The following PDE4D variants were observed in gnomAD, a reference collection of about 807,000 sequenced individuals.
The protein encoded by PDE4D is 3',5'-cyclic-AMP phosphodiesterase 4D.
In PDE4D, 24 loss-of-function variants were observed where a neutral mutation model predicts 87.4. The ratio of observed to expected loss-of-function variants is 0.27; its 90% CI spans 0.20 to 0.39. PDE4D has a LOEUF of 0.39. Among genes scored for constraint, PDE4D ranks in the 10% least tolerant of loss-of-function variants. The probability of loss-of-function intolerance (pLI) is 1.00; values close to 1 mark genes in which losing one functional copy is unlikely to be tolerated. For synonymous variants in PDE4D, 384 were observed against 383.2 expected (o/e 1.00, Z -0.02); for missense variants, 714 against 1,041.0 (o/e 0.69, Z 4.32).
chr5:59,483,483 G>A (rs1219141277), intron 1 of PDE4D, among the ~76,000 whole-genome samples: 2 of 152,106 alleles, frequency 1.3e-5, no homozygotes, highest in Non-Finnish European at 2.9e-5. Flanking sequence ...CCAGGGCAAG[G>A]AGACTGAAAC....
chr5:60,464,266 A>G (rs1718490774), intron 1 of PDE4D, among the ~76,000 whole-genome samples: 1 of 152,210 alleles, frequency 6.6e-6, no homozygotes, highest in African/African-American at 2.4e-5. Flanking sequence ...CAATCAATCA[A>G]CTTGAATTTC....
chr5:59,026,637 T>C (rs1047182423), intron 6 of PDE4D, among the ~76,000 whole-genome samples: 3 of 151,964 alleles, frequency 2.0e-5, no homozygotes, highest in Non-Finnish European at 4.4e-5. Flanking sequence ...AAATAAAAGT[T>C]CTGTGGAAAG....
At chr5:60,026,774 C>T (rs1448925878) in intron 2 of PDE4D, among the ~76,000 whole-genome samples, 1 of 152,138 alleles carries the variant, frequency 6.6e-6, no homozygotes, top group Admixed American at 6.6e-5. Context: ...TTGCTGAAAA[C>T]CCTCAATGAT....
chr5:59,175,632 C>T lies in PDE4D; in HGVS notation c.808+4963G>A, dbSNP rs552000152. 2.0e-5 allele frequency among the ~76,000 whole-genome samples: 3 copies of T among 151,650 alleles called. No homozygotes were observed. The South Asian group carries it at 6.3e-4, about 32-fold the overall frequency. ...AGTAGCTGGGATTACAGGCACCTGC[C>T]ACCACGCCTGGCTAATTTTTGTATT... On this transcript the variant is annotated intron_variant, in intron 5 of 14. Coordinates refer to ENST00000340635, the MANE Select transcript of PDE4D (RefSeq NM_001104631.2).
intron 1 of PDE4D, among the ~76,000 whole-genome samples, chr5:59,465,135 C>T (rs1431452332): frequency 6.6e-6 from 1 of 152,206 alleles, no homozygotes; most frequent in African/African-American, 2.4e-5. Flanking sequence ...CTAGCCTCAT[C>T]TCAAGTTACT....
At chr5:60,470,826 T>C (rs1356193475) in intron 1 of PDE4D, among the ~76,000 whole-genome samples, 2 of 152,160 alleles carry the variant, frequency 1.3e-5, no homozygotes, top group African/African-American at 4.8e-5. Flanking sequence ...TCATTGACAA[T>C]GCACCTAGTC....
At chr5:59,860,810 G>C (rs1746139869) in intron 1 of PDE4D, among the ~76,000 whole-genome samples, 1 of 151,420 alleles carries the variant, frequency 6.6e-6, no homozygotes, top group African/African-American at 2.4e-5. Flanking sequence ...ATTAGTTTCT[G>C]ATAAATGCTA....
rs151012589 is a variant in PDE4D, at chr5:59,365,538, G to A, written c.456-149570C>T. 3.7e-3 allele frequency among the ~76,000 whole-genome samples: 564 copies of A among 152,270 alleles called. 1 individual carries two copies. The highest frequency in any genetic ancestry group is 0.02 in the Middle Eastern group (6 of 294). ...TCAACATTAAAAACATATCAAATGAGTTATTTTTGGTGAAACGCCAGTTTG... is the reference window on the plus strand; with the variant it reads ...TCAACATTAAAAACATATCAAATGAATTATTTTTGGTGAAACGCCAGTTTG... On this transcript the variant is annotated intron_variant, in intron 1 of 14. Transcript: ENST00000340635.
intron 1 of PDE4D, among the ~76,000 whole-genome samples, chr5:60,203,372 T>C (rs1742149736): frequency 6.6e-6 from 1 of 152,234 alleles, no homozygotes; most frequent in Non-Finnish European, 1.5e-5. Flanking sequence ...TGTATATGAA[T>C]ATACAGGTGT....
At chr5:59,531,907 G>T (rs1162943940) in intron 1 of PDE4D, among the ~76,000 whole-genome samples, 2 of 152,046 alleles carry the variant, frequency 1.3e-5, no homozygotes, top group African/African-American at 4.8e-5. Flanking sequence ...TCTTTGCAGG[G>T]GCTATTATTT....
At chr5:60,374,333 G>A (rs568597736) in intron 1 of PDE4D, among the ~76,000 whole-genome samples, 1 of 152,264 alleles carries the variant, frequency 6.6e-6, no homozygotes, top group South Asian at 2.1e-4. Flanking sequence ...AGAAAGAAGG[G>A]AGGAGAAAAA....
intron 1 of PDE4D, among the ~76,000 whole-genome samples, chr5:59,853,231 A>G (rs1413802241): frequency 1.3e-5 from 2 of 152,112 alleles, no homozygotes; most frequent in Non-Finnish European, 2.9e-5. Flanking sequence ...AATGCCATAC[A>G]GAAGTGTAAC....
intron 3 of PDE4D, among the ~76,000 whole-genome samples, chr5:59,971,487 C>T (rs1760766284): frequency 6.6e-6 from 1 of 152,040 alleles, no homozygotes. Flanking sequence ...AGGGAAGAGA[C>T]ATGCAGTTTA....
At chr5:59,840,187 C>T (rs1254927375) in intron 1 of PDE4D, among the ~76,000 whole-genome samples, 1 of 151,814 alleles carries the variant, frequency 6.6e-6, no homozygotes, top group Non-Finnish European at 1.5e-5. Context: ...TTAGAGAAAC[C>T]TCCCTGATCA....
chr5:59,895,995 T>C (rs984261153), upstream of PDE4D, among the ~76,000 whole-genome samples: 1 of 152,246 alleles, frequency 6.6e-6, no homozygotes, highest in African/African-American at 2.4e-5. Context: ...GAAAATCATT[T>C]AATATGTTTC....
intron 1 of PDE4D, among the ~76,000 whole-genome samples, chr5:59,464,608 C>T (rs1411913745): frequency 1.3e-5 from 2 of 152,218 alleles, no homozygotes; most frequent in African/African-American, 2.4e-5. Context: ...CAGAGGCTGG[C>T]GGGATCCTCC....
intron 1 of PDE4D, among the ~76,000 whole-genome samples, chr5:59,674,476 C>A (rs1401549319): frequency 6.6e-6 from 1 of 152,148 alleles, no homozygotes; most frequent in African/African-American, 2.4e-5. Context: ...TCTCTAAAAT[C>A]ATTATTTAGA....
chr5:59,538,937 A>G (rs1815781427), intron 1 of PDE4D, among the ~76,000 whole-genome samples: 1 of 152,106 alleles, frequency 6.6e-6, no homozygotes, highest in Non-Finnish European at 1.5e-5. Context: ...CCTGTCCATC[A>G]TCTTGCTAAT....
chr5:59,823,521 C>T (rs568346058), intron 1 of PDE4D, among the ~76,000 whole-genome samples: 4 of 152,244 alleles, frequency 2.6e-5, no homozygotes, highest in African/African-American at 9.6e-5. Flanking sequence ...CATTTGAAAG[C>T]CTTAAGCAGC....
Sources: allele counts gnomAD v4.1 joint callset (sites outside exome capture counted in the v4.1 genomes callset), GRCh38; gene constraint gnomAD v4.1.1; transcripts MANE v1.5; gene names NCBI Gene and HGNC (gene_info 2026-07-23, HGNC 2026-07-21).